Variants in KLHL32 observed in about 807,000 individuals in gnomAD.
The protein encoded by KLHL32 is kelch like family member 32.
Under a neutral mutation model 64.8 loss-of-function variants are expected in KLHL32, and 35 were observed. The observed-to-expected ratio is 0.54, with a 90% CI of 0.41 to 0.72. The LOEUF is 0.72. KLHL32 is among the 30% of genes least tolerant of loss of function. The pLI, the probability that KLHL32 is intolerant of heterozygous loss-of-function variation, is 0.00. For synonymous variants in KLHL32, 259 were observed against 281.0 expected, an observed-to-expected ratio of 0.92 and a Z score of 0.78; for missense variants, 589 against 768.5, an observed-to-expected ratio of 0.77 and a Z score of 2.76.
chr6:97,095,810 GA>G (rs1475656611), intron 6 of KLHL32, among the ~76,000 whole-genome samples: 2 of 152,192 alleles, frequency 1.3e-5, no homozygotes, highest in African/African-American at 4.8e-5. Context: ...GATGGATTTG[GA>G]AAATACATGT....
chr6:97,003,152 A>G (rs1779246622), intron 3 of KLHL32, among the ~76,000 whole-genome samples: 1 of 152,158 alleles, frequency 6.6e-6, no homozygotes, highest in South Asian at 2.1e-4. Context: ...TAACCTTGCC[A>G]GCATCTGTTA....
intron 7 of KLHL32, among the ~76,000 whole-genome samples, chr6:97,123,534 A>G (rs1798577127): frequency 6.6e-6 from 1 of 152,186 alleles, no homozygotes; most frequent in Non-Finnish European, 1.5e-5. Flanking sequence ...AAAGTATAAG[A>G]CAGGGTTGCT....
At chr6:97,136,873 T>A (rs781545023) in intron 10 of KLHL32, among the ~76,000 whole-genome samples, 2 of 152,208 alleles carry the variant, frequency 1.3e-5, no homozygotes, top group Non-Finnish European at 2.9e-5. Flanking sequence ...GATGATTATC[T>A]CATTAGTATT....
At chr6:97,078,607 C>A (rs773874244) in intron 5 of KLHL32, among the ~76,000 whole-genome samples, 12 of 152,068 alleles carry the variant, frequency 7.9e-5, no homozygotes, top group Non-Finnish European at 1.3e-4. Flanking sequence ...TATCTTTAAC[C>A]CAAGTCATAG....
At chr6:97,036,412 T>C (rs555907562) in intron 3 of KLHL32, among the ~76,000 whole-genome samples, 1 of 152,370 alleles carries the variant, frequency 6.6e-6, no homozygotes, top group South Asian at 2.1e-4. Context: ...AGTGGTGTTA[T>C]GTTTCCCTGA....
chr6:97,061,742 GGTT>G (rs1396072015), intron 4 of KLHL32, among the ~76,000 whole-genome samples: 1 of 152,114 alleles, frequency 6.6e-6, no homozygotes, highest in African/African-American at 2.4e-5. Context: ...TTTCTGCAGA[GGTT>G]GTTCTTTTGG....
intron 1 of KLHL32, among the ~76,000 whole-genome samples, chr6:96,936,003 G>A (rs1033998130): frequency 6.6e-6 from 1 of 152,124 alleles, no homozygotes; most frequent in East Asian, 1.9e-4. Context: ...TCCCAACATT[G>A]ATTGGGCCTT....
At chr6:96,977,660 TCTAATA>T (rs1227246136) in intron 3 of KLHL32, among the ~76,000 whole-genome samples, 1 of 152,212 alleles carries the variant, frequency 6.6e-6, no homozygotes, top group Non-Finnish European at 1.5e-5. Context: ...TTTGAATATT[TCTAATA>T]ATACTGTTGG....
intron 10 of KLHL32, among the ~76,000 whole-genome samples, chr6:97,137,725 AG>A (rs1168875495): frequency 6.6e-6 from 1 of 152,024 alleles, no homozygotes; most frequent in Non-Finnish European, 1.5e-5. Flanking sequence ...TAGTAGAGAC[AG>A]GGTTTCACCA....
At chr6:97,033,758 CT>C (rs1440308199) in intron 3 of KLHL32, among the ~76,000 whole-genome samples, 1 of 152,064 alleles carries the variant, frequency 6.6e-6, no homozygotes, top group Non-Finnish European at 1.5e-5. Flanking sequence ...TTTTTACTTG[CT>C]TTTCCCTGAT....
In KLHL32 at chr6:97,113,783, C is replaced by A. The variant is rs1168079512; in HGVS notation, c.628C>A (p.Leu210Ile). 6.2e-7 allele frequency: 1 copy of A among 1,608,564 alleles called. No individual in the cohort carries two copies. The highest frequency in any genetic ancestry group is 1.1e-5 in the South Asian group (1 of 90,910). Residue 210 changes from leucine to isoleucine, a missense_variant and splice_region_variant, in exon 7 of 11, where the codon CTA becomes ATA. By Grantham distance (5) the Leu-to-Ile change is conservative. Around this residue, in one of 3 missense-constraint regions of KLHL32, gnomAD observed 226 missense variants for 353.2 expected, o/e 0.64. Transcript: ENST00000369261. Reference sequence around the variant, plus strand: ...CTCATCTCACTTCCCTCTGTTTCAGCTAGCTGTGAGGTGGTTGGAACACAA... The same window carrying A: ...CTCATCTCACTTCCCTCTGTTTCAGATAGCTGTGAGGTGGTTGGAACACAA... Reference protein sequence around the residue: ...TSLSEEQIWQLAVRWLEHNCH... With the variant: ...TSLSEEQIWQIAVRWLEHNCH...
chr6:97,085,049 A>C (rs1451555525), intron 5 of KLHL32, 77 bp from the exon 6 acceptor site: 2 of 1,251,412 alleles, frequency 1.6e-6, no homozygotes, highest in Admixed American at 1.8e-5. Context: ...TTAGTGAGTC[A>C]ATCTGAATTT....
intron 2 of KLHL32, among the ~76,000 whole-genome samples, chr6:96,971,721 A>G (rs1459858622): frequency 6.6e-6 from 1 of 152,142 alleles, no homozygotes; most frequent in Non-Finnish European, 1.5e-5. Context: ...TAAAGCCGTT[A>G]CAGTGTTCAG....
chr6:96,950,500 TAA>T (rs59688440), intron 1 of KLHL32, among the ~76,000 whole-genome samples: 2,043 of 147,766 alleles, frequency 0.014, 43 homozygotes, highest in African/African-American at 0.047. Context: ...GTTGTCACGT[TAA>T]AAAAAAAAAA....
intron 1 of KLHL32, among the ~76,000 whole-genome samples, chr6:96,955,695 G>A (rs762316707): frequency 6.6e-6 from 1 of 152,104 alleles, no homozygotes; most frequent in African/African-American, 2.4e-5. Flanking sequence ...CCAGCACTTT[G>A]GGAGGCTGAG....
chr6:97,061,144 T>A (rs966268885), intron 4 of KLHL32, among the ~76,000 whole-genome samples: 2 of 152,138 alleles, frequency 1.3e-5, no homozygotes, highest in African/African-American at 4.8e-5. Context: ...GAATCCTCTA[T>A]ACAGGTGGTT....
intron 4 of KLHL32, among the ~76,000 whole-genome samples, chr6:97,058,217 T>A (rs1207343831): frequency 2.0e-5 from 3 of 152,188 alleles, no homozygotes; most frequent in Non-Finnish European, 4.4e-5. Context: ...TCGTGTTGGC[T>A]ATTTTGGGTC....
At chr6:97,111,345 G>T (rs917842937) in intron 6 of KLHL32, among the ~76,000 whole-genome samples, 1 of 152,260 alleles carries the variant, frequency 6.6e-6, no homozygotes, top group African/African-American at 2.4e-5. Context: ...CAGGCTCCCA[G>T]AGGAAGATCC....
chr6:97,068,313 A>G (rs1790141696), intron 5 of KLHL32, among the ~76,000 whole-genome samples: 1 of 152,226 alleles, frequency 6.6e-6, no homozygotes, highest in African/African-American at 2.4e-5. Context: ...GATAAACAGA[A>G]CCATCATGTA....
Sources: gnomAD v4.1 joint callset for allele counts (sites outside exome capture counted in the v4.1 genomes callset) on GRCh38, gnomAD v4.1.1 for gene constraint, gnomAD v4.1.1 regional missense constraint, MANE v1.5 for transcripts, NCBI Gene and HGNC (gene_info 2026-07-23, HGNC 2026-07-21) for gene names.